Variants in ARSJ observed in about 807,000 individuals in gnomAD.
The protein encoded by ARSJ is arylsulfatase family member J.
A neutral mutation model predicts 35.9 loss-of-function variants in ARSJ; 26 were observed. The observed-to-expected ratio is 0.72, with a 90% CI of 0.53 to 1.00. The LOEUF (loss-of-function observed/expected upper bound fraction) is 1.00. ARSJ is among the 50% of genes least tolerant of loss of function. ARSJ has a pLI of 0.00. For missense variants in ARSJ, 667 were observed against 723.6 expected, an observed-to-expected ratio of 0.92 and a Z score of 0.90; for synonymous variants, 294 against 267.6, an observed-to-expected ratio of 1.10 and a Z score of -0.96.
chr4:113,902,946 G>A lies in ARSJ; in HGVS notation c.1128C>T (p.His376=). 1.2e-6 allele frequency: 2 copies of A among 1,614,166 alleles called. No homozygotes were observed. The highest frequency in any genetic ancestry group is 1.3e-5 in the African/African-American group (1 of 75,036). The change falls in exon 2 of 2, where the codon CAC becomes CAT. Residue 376 remains histidine, a synonymous_variant. Coordinates refer to ENST00000315366, the MANE Select transcript of ARSJ (RefSeq NM_024590.4). ...TGAGAGTGGGGTACCAGTCAGTGATGTGCACAAGTTCCTTACACACTGTTC... is the reference window on the plus strand; with the variant it reads ...TGAGAGTGGGGTACCAGTCAGTGATATGCACAAGTTCCTTACACACTGTTC... The part of the protein sequence containing the change: ...NKGTVCKELV[H]ITDWYPTLIS...
intron 1 of ARSJ, among the ~76,000 whole-genome samples, chr4:113,928,746 A>G (rs901039109): frequency 1.3e-5 from 2 of 152,212 alleles, no homozygotes; most frequent in African/African-American, 4.8e-5. Flanking sequence ...TGACATACAG[A>G]GAAGAGCAAT....
At chr4:113,935,047 T>G (rs1270049011) in intron 1 of ARSJ, among the ~76,000 whole-genome samples, 2 of 151,856 alleles carry the variant, frequency 1.3e-5, no homozygotes, top group African/African-American at 4.8e-5. Flanking sequence ...ATTCTCAAAC[T>G]TTCCCTAAAA....
intron 1 of ARSJ, among the ~76,000 whole-genome samples, chr4:113,945,089 T>C (rs1349135849): frequency 6.6e-6 from 1 of 152,110 alleles, no homozygotes; most frequent in Non-Finnish European, 1.5e-5. Context: ...GCAGACATTT[T>C]TGAAGTCCAA....
chr4:113,910,620 C>A (rs1411766426), intron 1 of ARSJ, among the ~76,000 whole-genome samples: 1 of 152,090 alleles, frequency 6.6e-6, no homozygotes. Context: ...TAAATAAATT[C>A]TATTTATGGG....
At chr4:113,907,086 T>C (rs982152197) in intron 1 of ARSJ, among the ~76,000 whole-genome samples, 1 of 152,222 alleles carries the variant, frequency 6.6e-6, no homozygotes, top group Non-Finnish European at 1.5e-5. Context: ...CAAAGTCCGA[T>C]GCACTCTCTG....
In ARSJ at chr4:113,978,483, C is replaced by T; in HGVS notation, c.352G>A (p.Val118Ile). 1.9e-6 allele frequency: 3 copies of T among 1,613,926 alleles called. No individual in the cohort carries two copies. The highest frequency in any genetic ancestry group is 3.3e-5 in the Admixed American group (2 of 60,022). Residue 118 changes from valine (V) to isoleucine (I), a missense_variant, in exon 1 of 2, where the codon GTC becomes ATC. Val to Ile is a conservative substitution (Grantham distance 29, BLOSUM62 3). Coordinates refer to ENST00000315366, the MANE Select transcript of ARSJ (RefSeq NM_024590.4). Reference protein sequence around the residue: ...AEGVKLENYYVQPICTPSRSQ... With the variant: ...AEGVKLENYYIQPICTPSRSQ... ...CTGGATGGTGTGCAAATAGGCTGGACATAGTAGTTCTCCAGTTTAACTCCT... is the reference window on the plus strand; with the variant it reads ...CTGGATGGTGTGCAAATAGGCTGGATATAGTAGTTCTCCAGTTTAACTCCT...
chr4:113,961,877 G>A (rs78933410), intron 1 of ARSJ, among the ~76,000 whole-genome samples: 6,543 of 150,728 alleles, frequency 0.043, 462 homozygotes, highest in African/African-American at 0.15. Context: ...GTGTGCCTGT[G>A]TTTGTCTCTC....
In ARSJ at chr4:113,910,016, G is replaced by A. The variant is rs1044564572; in HGVS notation, c.399-6341C>T. Among the ~76,000 whole-genome samples, 3 of 152,120 alleles carry A rather than the reference G, an allele frequency of 2.0e-5. No individual in the cohort carries two copies. In the East Asian group the frequency reaches 5.8e-4, roughly 29 times the overall value. On this transcript the variant is annotated intron_variant, in intron 1 of 1. Transcript: ENST00000315366. Reference sequence around the variant, plus strand: ...ATTTTTCATATAATATATTCCAAATGCTTGTATTACCTTGGCTAAAAAATA... The same window carrying A: ...ATTTTTCATATAATATATTCCAAATACTTGTATTACCTTGGCTAAAAAATA...
In ARSJ at chr4:113,902,756, TC is replaced by T; in HGVS notation, c.1317del (p.Ile440SerfsTer77). 1.2e-6 allele frequency: 2 copies of T among 1,614,176 alleles called. No individual in the cohort carries two copies. The highest frequency in any genetic ancestry group is 3.3e-4 in the Middle Eastern group (2 of 6,060). Reference protein sequence around the residue: ...AKNGSWAAGYGIWNTAIQSAI... With the variant: ...AKNGSWAAGYXIWNTAIQSAI... Reference sequence around the variant, plus strand: ...GCTGACTGGATTGCAGTGTTCCAGATCCCATAGCCTGCTGCCCAGGAGCCAT... The same window carrying T: ...GCTGACTGGATTGCAGTGTTCCAGATCCATAGCCTGCTGCCCAGGAGCCAT... On this transcript the variant is annotated frameshift_variant, in exon 2 of 2. Transcript: ENST00000315366. LOFTEE classifies it high-confidence loss of function.
In ARSJ at chr4:113,969,825, A is replaced by G. The variant is rs907916956; in HGVS notation, c.398+8612T>C. ...TCATCCATTCATTCATTCTTCACAC[A>G]TTTACTTAGTGCCTATTAGCACAAA... On this transcript the variant is annotated intron_variant, in intron 1 of 1. Transcript: ENST00000315366. Among the ~76,000 whole-genome samples the G allele has an allele frequency of 2.0e-5, 3 of 152,260 alleles. No individual in the cohort carries two copies. The South Asian group carries it at 6.2e-4, about 32-fold the overall frequency.
rs539588637 is a variant in ARSJ, at chr4:113,930,586, A to C, written c.399-26911T>G. On this transcript the variant is annotated intron_variant, in intron 1 of 1. Coordinates refer to ENST00000315366, the MANE Select transcript of ARSJ (RefSeq NM_024590.4). ...TTTGCTCTTAGTAAATTATTATAGC[A>C]CCCAGTTTGAAAGTGAACATTTTTT... Among the ~76,000 whole-genome samples the C allele has an allele frequency of 5.1e-4, 78 of 152,290 alleles. 1 individual carries two copies. The highest frequency in any genetic ancestry group is 1.6e-3 in the African/African-American group (65 of 41,582).
chr4:113,921,396 A>G (rs1328653837), intron 1 of ARSJ, among the ~76,000 whole-genome samples: 1 of 152,154 alleles, frequency 6.6e-6, no homozygotes, highest in African/African-American at 2.4e-5. Flanking sequence ...CTTTTTGCTT[A>G]TATAAGCTCT....
intron 1 of ARSJ, among the ~76,000 whole-genome samples, chr4:113,923,167 G>C (rs1477868290): frequency 6.6e-6 from 1 of 152,122 alleles, no homozygotes; most frequent in Non-Finnish European, 1.5e-5. Flanking sequence ...CTCCATGGCT[G>C]CATGAGCCAA....
intron 1 of ARSJ, among the ~76,000 whole-genome samples, chr4:113,905,619 A>G (rs1191993976): frequency 2.0e-5 from 3 of 151,190 alleles, no homozygotes; most frequent in Admixed American, 6.6e-5. Flanking sequence ...CATAAACATC[A>G]TAAGTACCAA....
intron 1 of ARSJ, among the ~76,000 whole-genome samples, chr4:113,935,472 C>T (rs1724708634): frequency 6.6e-6 from 1 of 151,638 alleles, no homozygotes; most frequent in Admixed American, 6.6e-5. Flanking sequence ...GACAGAAAAC[C>T]CTTTGGGTGT....
At chr4:113,935,895 T>C (rs1724737419) in intron 1 of ARSJ, among the ~76,000 whole-genome samples, 1 of 151,958 alleles carries the variant, frequency 6.6e-6, no homozygotes, top group South Asian at 2.1e-4. Context: ...ACACTTCATA[T>C]ATAGGCACTT....
At chr4:113,906,695 C>A (rs909313110) in intron 1 of ARSJ, 2 of 455,376 alleles carry the variant, frequency 4.4e-6, no homozygotes, top group African/African-American at 4.0e-5. Flanking sequence ...CTGCTTATTA[C>A]CTGTATGGTT....
At chr4:113,945,258 T>C (rs551721791) in intron 1 of ARSJ, among the ~76,000 whole-genome samples, 40 of 151,972 alleles carry the variant, frequency 2.6e-4, no homozygotes, top group Non-Finnish European at 5.1e-4. Flanking sequence ...CCTCAGCCTT[T>C]CTAGAAGCTG....
intron 1 of ARSJ, among the ~76,000 whole-genome samples, chr4:113,907,559 C>T (rs72893435): frequency 0.018 from 2,805 of 152,040 alleles, 78 homozygotes; most frequent in African/African-American, 0.065. Context: ...CTTCTCTGGC[C>T]TCCACAAGTC....
Sources: allele counts gnomAD v4.1 joint callset (sites outside exome capture counted in the v4.1 genomes callset), GRCh38; gene constraint gnomAD v4.1.1; transcripts MANE v1.5; gene names NCBI Gene and HGNC (gene_info 2026-07-23, HGNC 2026-07-21).